The following B3GALT1 variants were observed in gnomAD, a reference collection of about 807,000 sequenced individuals.
B3GALT1 encodes UDP-Gal:betaGlcNAc beta 1,3-galactosyltransferase, polypeptide 1.
Under a neutral mutation model 23.2 loss-of-function variants are expected in B3GALT1, and 10 were observed. The ratio of observed to expected loss-of-function variants is 0.43; its 90% CI spans 0.27 to 0.73. The LOEUF (loss-of-function observed/expected upper bound fraction) is 0.73. Ranked by LOEUF, B3GALT1 falls within the 30% of genes least tolerant of loss-of-function variation. The probability of loss-of-function intolerance (pLI) is 0.21; values close to 1 mark genes in which losing one functional copy is unlikely to be tolerated. For synonymous variants in B3GALT1, 156 were observed against 141.5 expected, an observed-to-expected ratio of 1.10 and a Z score of -0.73; for missense variants, 299 against 405.4, an observed-to-expected ratio of 0.74 and a Z score of 2.25.
rs1415884837 is a variant in B3GALT1, at chr2:167,804,434, G to A, written c.-351-14238G>A. ...GTTGGTGTGCTGCACCCATCAACTC[G>A]TCTTTTAACATTAGGTATATCTCCT... is the stretch of plus-strand genomic sequence containing the variant. On this transcript the variant is annotated intron_variant, in intron 3 of 4. Transcript: ENST00000392690. 5.3e-5 allele frequency among the ~76,000 whole-genome samples: 8 copies of A among 151,522 alleles called. 1 individual carries two copies. The East Asian group carries it at 5.8e-4, about 11-fold the overall frequency.
intron 1 of B3GALT1, among the ~76,000 whole-genome samples, chr2:167,489,136 A>G (rs760215112): frequency 2.2e-4 from 34 of 152,156 alleles, no homozygotes; most frequent in Non-Finnish European, 4.4e-4. Context: ...ATGAACTTCC[A>G]TAGGCAGATC....
intron 1 of B3GALT1, among the ~76,000 whole-genome samples, chr2:167,367,734 C>G (rs981151644): frequency 3.9e-5 from 6 of 152,068 alleles, no homozygotes; most frequent in Admixed American, 6.6e-5. Context: ...TGAGCAAGTC[C>G]TTGCCAAATA....
chr2:167,559,299 C>T (rs965045129), intron 2 of B3GALT1, among the ~76,000 whole-genome samples: 1 of 152,136 alleles, frequency 6.6e-6, no homozygotes, highest in Non-Finnish European at 1.5e-5. Context: ...ACCAAAAACC[C>T]ATCTGTACAT....
chr2:167,432,114 A>C lies in B3GALT1; in HGVS notation c.-510-58063A>C, dbSNP rs537712175. Among the ~76,000 whole-genome samples, 3 of 152,284 alleles carry C rather than the reference A, an allele frequency of 2.0e-5. 1 individual carries two copies. In the Middle Eastern group the frequency reaches 0.01, roughly 518 times the overall value. On this transcript the variant is annotated intron_variant, in intron 1 of 4. Coordinates refer to ENST00000392690, the MANE Select transcript of B3GALT1 (RefSeq NM_020981.4). ...GTGAGGCTGATGAGGCAAACTCTAC[A>C]TAGGACCCTATTGAGTCAGCAGAGA... is the stretch of plus-strand genomic sequence containing the variant.
At chr2:167,381,210 G>A (rs1240562425) in intron 1 of B3GALT1, among the ~76,000 whole-genome samples, 1 of 152,098 alleles carries the variant, frequency 6.6e-6, no homozygotes, top group Non-Finnish European at 1.5e-5. Context: ...TGGAACTACA[G>A]GTGTGCACCA....
chr2:167,684,463 C>T (rs1686583901), intron 3 of B3GALT1, among the ~76,000 whole-genome samples: 1 of 152,030 alleles, frequency 6.6e-6, no homozygotes, highest in African/African-American at 2.4e-5. Context: ...ACTAATTAAC[C>T]CTCTCACCTT....
chr2:167,723,212 G>A (rs1687260123), intron 3 of B3GALT1, among the ~76,000 whole-genome samples: 1 of 152,144 alleles, frequency 6.6e-6, no homozygotes, highest in Admixed American at 6.5e-5. Flanking sequence ...TAAACTACCT[G>A]AGAGAACAGA....
chr2:167,822,699 C>T (rs1689133556), intron 4 of B3GALT1, among the ~76,000 whole-genome samples: 1 of 152,174 alleles, frequency 6.6e-6, no homozygotes, highest in South Asian at 2.1e-4. Flanking sequence ...CTCAGTTATG[C>T]CTGTTGCCAT....
At chr2:167,529,737 T>C (rs1449175337) in intron 2 of B3GALT1, among the ~76,000 whole-genome samples, 1 of 151,762 alleles carries the variant, frequency 6.6e-6, no homozygotes, top group African/African-American at 2.4e-5. Context: ...GTTGGTTATA[T>C]CTCAAAATAT....
At chr2:167,865,530 G>A (rs765655973) in intron 4 of B3GALT1, among the ~76,000 whole-genome samples, 15 of 152,096 alleles carry the variant, frequency 9.9e-5, no homozygotes, top group Non-Finnish European at 1.9e-4. Context: ...AGTGGCTCAC[G>A]CCTGTAATCC....
At chr2:167,704,273 G>A (rs912341134) in intron 3 of B3GALT1, among the ~76,000 whole-genome samples, 1 of 151,270 alleles carries the variant, frequency 6.6e-6, no homozygotes, top group Admixed American at 6.6e-5. Flanking sequence ...GTGACAGGCT[G>A]TCAAAATATT....
intron 1 of B3GALT1, among the ~76,000 whole-genome samples, chr2:167,394,536 GT>G (rs200847558): frequency 5.3e-5 from 8 of 151,312 alleles, no homozygotes; most frequent in South Asian, 2.1e-4. Context: ...ATAAAGGGTT[GT>G]TTTTTTTTAT....
At chr2:167,303,634 A>G (rs1049372530) in intron 1 of B3GALT1, among the ~76,000 whole-genome samples, 4 of 106,462 alleles carry the variant, frequency 3.8e-5, no homozygotes, top group Admixed American at 2.2e-4. Context: ...TGCTCTTGGA[A>G]ACACACACAT....
intron 3 of B3GALT1, among the ~76,000 whole-genome samples, chr2:167,721,215 T>C (rs1031524522): frequency 1.2e-4 from 19 of 152,228 alleles, no homozygotes; most frequent in Non-Finnish European, 2.5e-4. Context: ...TTACAGATAA[T>C]TTATTTAATG....
intron 2 of B3GALT1, among the ~76,000 whole-genome samples, chr2:167,627,130 T>C (rs1443744086): frequency 1.3e-5 from 2 of 151,672 alleles, no homozygotes; most frequent in Non-Finnish European, 3.0e-5. Context: ...CAGGTCTCCA[T>C]AATTCAAGTT....
Position 167,396,564 on chromosome 2 carries a change from GTTTAA to G in B3GALT1, c.-510-93609_-510-93605del, listed in dbSNP as rs1444055368. The stretch of plus-strand genomic sequence containing the variant: ...TGTGTGTGTGTGTGTGTGTGTGTGT[GTTTAA>G]TTTTAAACATTTGGATGGAAAGGTT... On this transcript the variant is annotated intron_variant, in intron 1 of 4. Transcript: ENST00000392690. Among the ~76,000 whole-genome samples, 14 of 135,110 alleles carry G rather than the reference GTTTAA, an allele frequency of 1.0e-4. No homozygotes were observed. The Admixed American group carries it at 1.1e-3, about 10-fold the overall frequency. The allele number at this position is 135,110 out of a possible 152,430, so 88.6% of individuals were successfully genotyped here. A position where few individuals can be genotyped will look rare whatever the true frequency, so the allele number is the denominator to read the frequency against.
At chr2:167,437,526 A>G (rs1338884653) in intron 1 of B3GALT1, among the ~76,000 whole-genome samples, 1 of 152,168 alleles carries the variant, frequency 6.6e-6, no homozygotes, top group Non-Finnish European at 1.5e-5. Flanking sequence ...CTAAAACACC[A>G]TGTAATTTTC....
intron 1 of B3GALT1, among the ~76,000 whole-genome samples, chr2:167,355,521 T>C (rs1559073705): frequency 6.6e-6 from 1 of 152,156 alleles, no homozygotes; most frequent in East Asian, 1.9e-4. Context: ...AGAAATACAG[T>C]CTTACTTTTA....
intron 3 of B3GALT1, among the ~76,000 whole-genome samples, chr2:167,812,985 C>G (rs1440819662): frequency 9.7e-6 from 1 of 103,244 alleles, no homozygotes; most frequent in Non-Finnish European, 1.7e-5. Context: ...ACACGCACCA[C>G]CACCACCCCC....
Sources: gnomAD v4.1 joint callset for allele counts (sites outside exome capture counted in the v4.1 genomes callset) on GRCh38, gnomAD v4.1.1 for gene constraint, MANE v1.5 for transcripts, NCBI Gene and HGNC (gene_info 2026-07-23, HGNC 2026-07-21) for gene names.